The following HPGDS variants were observed in gnomAD, a reference collection of about 807,000 sequenced individuals.
HPGDS encodes hematopoietic prostaglandin D synthase.
In HPGDS, 26 loss-of-function variants were observed where a neutral mutation model predicts 23.1. The observed-to-expected ratio is 1.13, with a 90% CI of 0.83 to 1.56. The LOEUF is 1.56. Ranked by LOEUF, HPGDS falls within the 40% of genes most tolerant of loss-of-function variation. The pLI is 0.00. For missense variants in HPGDS, 268 were observed against 236.4 expected, an observed-to-expected ratio of 1.13 and a Z score of -0.88; for synonymous variants, 95 against 77.9, an observed-to-expected ratio of 1.22 and a Z score of -1.16.
chr4:94,318,248 TA>T (rs887819503), intron 2 of HPGDS, among the ~76,000 whole-genome samples: 96 of 152,144 alleles, frequency 6.3e-4, no homozygotes, highest in Non-Finnish European at 3.1e-4. Flanking sequence ...TGCTTACTGT[TA>T]AAAAAAATTA....
intron 2 of HPGDS, among the ~76,000 whole-genome samples, chr4:94,324,432 T>C (rs1192509568): frequency 2.0e-5 from 3 of 152,074 alleles, no homozygotes; most frequent in Non-Finnish European, 2.9e-5. Context: ...CATAGTCGCA[T>C]GTTTCTTGGA....
chr4:94,336,399 C>T (rs1164698514), intron 1 of HPGDS, among the ~76,000 whole-genome samples: 1 of 151,958 alleles, frequency 6.6e-6, no homozygotes, highest in Non-Finnish European at 1.5e-5. Context: ...ATGGTAATTC[C>T]TAGCAAAACC....
chr4:94,314,674 A>G (rs998687673), intron 3 of HPGDS, among the ~76,000 whole-genome samples: 2 of 152,204 alleles, frequency 1.3e-5, no homozygotes, highest in Non-Finnish European at 2.9e-5. Flanking sequence ...GCTGTCAGAT[A>G]GGGACATTTA....
intron 3 of HPGDS, among the ~76,000 whole-genome samples, chr4:94,314,499 C>T (rs903701303): frequency 1.3e-5 from 2 of 152,104 alleles, no homozygotes; most frequent in Non-Finnish European, 2.9e-5. Flanking sequence ...TTGCTCTGGA[C>T]GTTTTGTCTC....
chr4:94,305,222 G>A (rs34899946), intron 4 of HPGDS, among the ~76,000 whole-genome samples: 1 of 152,040 alleles, frequency 6.6e-6, no homozygotes, highest in Non-Finnish European at 1.5e-5. Context: ...ACTATAAATA[G>A]GGAGTTAAGT....
chr4:94,340,260 CCTTTCTTTCTTTCTTT>C lies in HPGDS; in HGVS notation c.-10+2519_-10+2534del, dbSNP rs201837103. Among the ~76,000 whole-genome samples the C allele has an allele frequency of 7.5e-3, 609 of 81,476 alleles. 8 individuals are homozygous for C. Among genetic ancestry groups the C allele is most frequent in the Middle Eastern group, 0.038 (5 of 132 alleles). 53.5% of individuals were successfully genotyped at this position (81,476 alleles called of 152,430 possible). On this transcript the variant is annotated intron_variant, in intron 1 of 5. Coordinates refer to ENST00000295256, the MANE Select transcript of HPGDS (RefSeq NM_014485.3). Reference sequence around the variant, plus strand: ...TGTGAGCCACTGTGCCTGGTCTAAACCTTTCTTTCTTTCTTTCTTTCTTTCTTTCTTTCTTTCTTTC... The same window carrying C: ...TGTGAGCCACTGTGCCTGGTCTAAACCTTTCTTTCTTTCTTTCTTTCTTTC...
In HPGDS at chr4:94,302,227, C is replaced by T; in HGVS notation, c.354G>A (p.Glu118=). Reference sequence around the variant, plus strand: ...GATGAGGCGCATTATACGTGAGCAGCTCATTGAACATCTGCTCCTAGGAGA... The same window carrying T: ...GATGAGGCGCATTATACGTGAGCAGTTCATTGAACATCTGCTCCTAGGAGA... ...KQDVKEQMFN[E]LLTYNAPHLM... The change falls in exon 5 of 6, where the codon GAG becomes GAA. Residue 118 remains glutamate (E), a synonymous_variant. Coordinates refer to ENST00000295256, the MANE Select transcript of HPGDS (RefSeq NM_014485.3). The T allele has an allele frequency of 6.2e-7, 1 of 1,610,494 alleles. No homozygotes were observed. Among genetic ancestry groups the T allele is most frequent in the Non-Finnish European group, 8.5e-7 (1 of 1,177,558 alleles).
chr4:94,338,623 T>C (rs940257568), intron 1 of HPGDS, among the ~76,000 whole-genome samples: 1 of 152,154 alleles, frequency 6.6e-6, no homozygotes, highest in African/African-American at 2.4e-5. Flanking sequence ...TACTAAAAAC[T>C]TATAGCAAAT....
intron 4 of HPGDS, among the ~76,000 whole-genome samples, chr4:94,306,716 C>A (rs962754310): frequency 9.2e-5 from 14 of 151,940 alleles, no homozygotes; most frequent in African/African-American, 3.1e-4. Context: ...TTTAGAAGCA[C>A]AATATCAGAA....
At chr4:94,300,833 C>A (rs1756026484) in intron 5 of HPGDS, among the ~76,000 whole-genome samples, 1 of 152,062 alleles carries the variant, frequency 6.6e-6, no homozygotes, top group African/African-American at 2.4e-5. Flanking sequence ...TTAAGACCTG[C>A]AGTGAGCAAT....
At chr4:94,302,072 T>TC (rs1756050975) in intron 5 of HPGDS, 74 bp downstream of exon 5, 1 of 1,097,858 alleles carries the variant, frequency 9.1e-7, no homozygotes, top group Non-Finnish European at 1.3e-6. Flanking sequence ...TAACTTTTTT[T>TC]CAGTAAGTTT....
chr4:94,311,738 G>T (rs1756276923), intron 3 of HPGDS, among the ~76,000 whole-genome samples: 1 of 151,344 alleles, frequency 6.6e-6, no homozygotes, highest in Non-Finnish European at 1.5e-5. Flanking sequence ...TGTATCTCTG[G>T]TAGAATTCAG....
chr4:94,338,782 G>T (rs1310463160), intron 1 of HPGDS, among the ~76,000 whole-genome samples: 2 of 152,142 alleles, frequency 1.3e-5, no homozygotes, highest in Admixed American at 6.5e-5. Context: ...TTGTTAAGTA[G>T]TAGGAAGGGA....
chr4:94,326,905 G>C (rs1270561892), intron 2 of HPGDS, among the ~76,000 whole-genome samples: 1 of 152,012 alleles, frequency 6.6e-6, no homozygotes, highest in Non-Finnish European at 1.5e-5. Context: ...TGGTTGGGTA[G>C]GGTACTTTAG....
rs140423024 is a variant in HPGDS at position 94,313,257 on chromosome 4, T to A, written c.227-4514A>T. Among the ~76,000 whole-genome samples, 843 of 152,310 alleles carry A rather than the reference T, an allele frequency of 5.5e-3. 4 individuals are homozygous for A. The highest frequency in any genetic ancestry group is 0.019 in the African/African-American group (787 of 41,562). Reference sequence around the variant, plus strand: ...TGGGTGGTCTTTACAATTTGGCATGTTTTTGCAGGGGCTGGTACTGGTTGT... The same window carrying A: ...TGGGTGGTCTTTACAATTTGGCATGATTTTGCAGGGGCTGGTACTGGTTGT... On this transcript the variant is annotated intron_variant, in intron 3 of 5. Coordinates refer to ENST00000295256, the MANE Select transcript of HPGDS (RefSeq NM_014485.3).
chr4:94,328,264 T>A (rs988417598), intron 2 of HPGDS, among the ~76,000 whole-genome samples: 2 of 152,234 alleles, frequency 1.3e-5, no homozygotes, highest in Non-Finnish European at 2.9e-5. Context: ...GTCTTCTCTC[T>A]TAGATGCTCT....
chr4:94,332,580 A>G (rs1756754293), intron 2 of HPGDS, among the ~76,000 whole-genome samples: 1 of 152,228 alleles, frequency 6.6e-6, no homozygotes, highest in Non-Finnish European at 1.5e-5. Context: ...CCAGCGCCCA[A>G]AGCGGTCAGC....
At chr4:94,333,820 G>C (rs1220728422) in intron 2 of HPGDS, among the ~76,000 whole-genome samples, 1 of 152,168 alleles carries the variant, frequency 6.6e-6, no homozygotes, top group Non-Finnish European at 1.5e-5. Flanking sequence ...TAATTAATTA[G>C]TGGATAAAAG....
Position 94,317,864 on chromosome 4 carries a change from A to G in HPGDS, c.226+9T>C, listed in dbSNP as rs202112221. 1.3e-5 allele frequency: 20 copies of G among 1,534,664 alleles called. No individual in the cohort carries two copies. Among genetic ancestry groups the G allele is most frequent in the Non-Finnish European group, 1.8e-5 (20 of 1,110,202 alleles). ...TTATCAAAAATCTTAAGCACAATAA[A>G]CATGTTACCTGTGTTTTTGGTCAAA... On this transcript the variant is annotated intron_variant, in intron 3 of 5. Transcript: ENST00000295256.
Sources: allele counts gnomAD v4.1 joint callset (sites outside exome capture counted in the v4.1 genomes callset), GRCh38; gene constraint gnomAD v4.1.1; transcripts MANE v1.5; gene names NCBI Gene and HGNC (gene_info 2026-07-23, HGNC 2026-07-21).